Variants in ZNF202 observed in about 807,000 individuals in gnomAD.
ZNF202 encodes the protein zinc finger protein with KRAB and SCAN domains 10.
In ZNF202, 22 loss-of-function variants were observed where a neutral mutation model predicts 54.5. The observed-to-expected ratio is 0.40, with a 90% CI of 0.29 to 0.58. ZNF202 has a LOEUF of 0.58. Ranked by LOEUF, ZNF202 falls within the 20% of genes least tolerant of loss-of-function variation. ZNF202 has a pLI of 0.39. For synonymous variants in ZNF202, 294 were observed against 301.4 expected, an observed-to-expected ratio of 0.98 and a Z score of 0.26; for missense variants, 644 against 805.5, an observed-to-expected ratio of 0.80 and a Z score of 2.43.
chr11:123,735,277 G>A (rs1861584755), intron 3 of ZNF202, among the ~76,000 whole-genome samples: 1 of 152,124 alleles, frequency 6.6e-6, no homozygotes, highest in Non-Finnish European at 1.5e-5. Context: ...CGCAGCACTA[G>A]GTACAAGAGA....
rs558876117 is a variant in ZNF202, at chr11:123,741,205, C to G, written c.-294+344G>C. Among the ~76,000 whole-genome samples the G allele has an allele frequency of 6.6e-5, 10 of 152,154 alleles. No individual in the cohort carries two copies. In the South Asian group the frequency reaches 1.9e-3, roughly 28 times the overall value. On this transcript the variant is annotated intron_variant, in intron 1 of 8. Transcript: ENST00000530393. Reference sequence around the variant, plus strand: ...CACTCCTCCCTCGGTTCCGGGGGGACAGTTGGCGCGGAAGCGTTAGGAGGT... The same window carrying G: ...CACTCCTCCCTCGGTTCCGGGGGGAGAGTTGGCGCGGAAGCGTTAGGAGGT...
At chr11:123,736,065 A>C (rs1861624264) in intron 3 of ZNF202, among the ~76,000 whole-genome samples, 1 of 152,176 alleles carries the variant, frequency 6.6e-6, no homozygotes, top group Non-Finnish European at 1.5e-5. Context: ...GATGCATAGG[A>C]TTGGAGAGGA....
At chr11:123,737,922 T>C (rs1279611234) in intron 3 of ZNF202, among the ~76,000 whole-genome samples, 1 of 152,184 alleles carries the variant, frequency 6.6e-6, no homozygotes, top group Non-Finnish European at 1.5e-5. Flanking sequence ...GGAACAAGGA[T>C]ATACAGCATC....
In ZNF202 at chr11:123,724,185, C is replaced by T. The variant is rs961401822; in HGVS notation, c.*1812G>A. 4 of 152,130 alleles carry T rather than the reference C, an allele frequency of 2.6e-5. No individual in the cohort carries two copies. Among genetic ancestry groups the T allele is most frequent in the African/African-American group, 2.4e-5 (1 of 41,416 alleles). The allele number at this position is 152,130 out of a possible 1,614,324, so 9.4% of individuals were successfully genotyped here. A position where few individuals can be genotyped will look rare whatever the true frequency, so the allele number is the denominator to read the frequency against. ...CTTATCTCAGAGTGCATATGTTTCA[C>T]CGGACTCTGCTAATCATCCCAACCC... On this transcript the variant is annotated 3_prime_UTR_variant, in exon 9 of 9. Transcript: ENST00000530393.
At chr11:123,735,650 C>T (rs1021268238) in intron 3 of ZNF202, among the ~76,000 whole-genome samples, 2 of 152,130 alleles carry the variant, frequency 1.3e-5, no homozygotes, top group African/African-American at 2.4e-5. Flanking sequence ...CTGAGGGTTT[C>T]GTGAAGTAAC....
rs1190072902 is a variant in ZNF202 at position 123,726,923 on chromosome 11, G to A, written c.1021C>T (p.Pro341Ser). The change falls in exon 9 of 9, where the codon CCT becomes TCT. Residue 341 changes from proline to serine, a missense_variant. Pro to Ser is a moderately conservative substitution (Grantham distance 74). Transcript: ENST00000530393. The surrounding 1 kb of genome is among the most constrained non-coding windows in gnomAD (Gnocchi z 6.0). ...EDLSLEDIHR[P>S]VLGEPEIHQT... is the part of the protein sequence containing the mutation. The stretch of plus-strand genomic sequence containing the variant: ...TGAATTTCTGGTTCTCCCAAAACAG[G>A]CCTGTGTATATCCTCCAAACTCAGA... The A allele has an allele frequency of 1.9e-6, 3 of 1,613,844 alleles. No individual in the cohort carries two copies. Among genetic ancestry groups the A allele is most frequent in the Non-Finnish European group, 2.5e-6 (3 of 1,180,012 alleles).
At chr11:123,728,104 A>G (rs767613216) in intron 7 of ZNF202, 29 bp downstream of exon 7, 8 of 1,595,394 alleles carry the variant, frequency 5.0e-6, no homozygotes, top group Non-Finnish European at 6.8e-6. Context: ...CTGGGCTTAG[A>G]ACACTCTAGA....
At position 123,730,997 on chromosome 11, in the gene ZNF202, A is replaced by C; in HGVS notation, c.-97-12T>G. On this transcript the variant is annotated splice_polypyrimidine_tract_variant and intron_variant, in intron 3 of 8. Transcript: ENST00000530393. This position sits in a 1 kb window ranked among gnomAD's most constrained non-coding sequence, Gnocchi z 6.0. ...TTCTTCCAAGGGCCCTGGATAGAGA[A>C]GTAAAGACAAACAAGAGTATAAGCA... 7.6e-7 allele frequency: 1 copy of C among 1,319,576 alleles called. No individual in the cohort carries two copies. The highest frequency in any genetic ancestry group is 1.0e-6 in the Non-Finnish European group (1 of 967,364). 81.7% of individuals were successfully genotyped at this position (1,319,576 alleles called of 1,614,324 possible).
intron 3 of ZNF202, among the ~76,000 whole-genome samples, chr11:123,735,305 T>G (rs1371354702): frequency 6.6e-6 from 1 of 152,228 alleles, no homozygotes; most frequent in Non-Finnish European, 1.5e-5. Context: ...GTATGGATCC[T>G]ACAACGTATG....
chr11:123,740,866 G>T (rs1861832053), intron 1 of ZNF202, among the ~76,000 whole-genome samples: 3 of 152,240 alleles, frequency 2.0e-5, no homozygotes, highest in African/African-American at 4.8e-5. Context: ...GCTGAGAAGA[G>T]GTGCCAAAAC....
intron 5 of ZNF202, among the ~76,000 whole-genome samples, 176 bp from the exon 6 acceptor site, chr11:123,729,390 A>C (rs905390733): frequency 6.6e-6 from 1 of 152,166 alleles, no homozygotes; most frequent in African/African-American, 2.4e-5. Flanking sequence ...CTATGAGACT[A>C]TCAGAATGCC....
intron 3 of ZNF202, chr11:123,738,836 G>A (rs1213599015): frequency 6.6e-6 from 1 of 152,196 alleles, no homozygotes; most frequent in African/African-American, 2.4e-5. Flanking sequence ...TTTAGCATTT[G>A]AGGAGATGAT....
chr11:123,727,150 C>T (rs774928509), intron 8 of ZNF202, among the ~76,000 whole-genome samples, 159 bp from the exon 9 acceptor site: 17 of 152,176 alleles, frequency 1.1e-4, no homozygotes, highest in Non-Finnish European at 2.4e-4. Flanking sequence ...ATCAACAAAC[C>T]TTGGTATGCA....
chr11:123,731,113 C>T (rs1861388117), intron 3 of ZNF202, 128 bp from the exon 4 acceptor site: 3 of 480,520 alleles, frequency 6.2e-6, no homozygotes, highest in African/African-American at 1.9e-5. Flanking sequence ...TCCCCAACCA[C>T]CATAGCCATA....
chr11:123,729,171 G>A lies in ZNF202; in HGVS notation c.657C>T (p.Ser219=). The stretch of plus-strand genomic sequence containing the variant: ...GAGCAACCATCTCTGAGTCTCCAGA[G>A]CTCCTCTCTGCAGGAAGGTCTGGGT... The part of the protein sequence containing the change: ...PEDPDLPAER[S]SGDSEMVALL... Residue 219 remains serine (S), a synonymous_variant, in exon 6 of 9, where the codon AGC becomes AGT. Coordinates refer to ENST00000530393, the MANE Select transcript of ZNF202 (RefSeq NM_003455.4). The A allele has an allele frequency of 6.2e-7, 1 of 1,613,942 alleles. No individual in the cohort carries two copies. Among genetic ancestry groups the A allele is most frequent in the Non-Finnish European group, 8.5e-7 (1 of 1,180,022 alleles).
In ZNF202 at chr11:123,725,837, C is replaced by G. The variant is rs773713133; in HGVS notation, c.*160G>C. On this transcript the variant is annotated 3_prime_UTR_variant, in exon 9 of 9. Transcript: ENST00000530393. ...CGTAGAGGAAGGCTGAGAGGTTCTGCCCAGGCTCGTGTTTAGTTGCAGGAA... is the reference window on the plus strand; with the variant it reads ...CGTAGAGGAAGGCTGAGAGGTTCTGGCCAGGCTCGTGTTTAGTTGCAGGAA... The G allele has an allele frequency of 1.1e-4, 93 of 830,342 alleles. No homozygotes were observed. Among genetic ancestry groups the G allele is most frequent in the Admixed American group, 2.1e-4 (7 of 33,798 alleles). 51.4% of individuals were successfully genotyped at this position (830,342 alleles called of 1,614,324 possible). A position where few individuals can be genotyped will look rare whatever the true frequency, so the allele number is the denominator to read the frequency against.
chr11:123,727,030 C>T (rs771397962), intron 8 of ZNF202, 39 bp from the exon 9 acceptor site: 30 of 1,570,176 alleles, frequency 1.9e-5, no homozygotes, highest in African/African-American at 2.7e-5. Context: ...GTCACTGTAG[C>T]GGCAACAATG....
rs891414845 is a variant in ZNF202, at chr11:123,725,286, GA to G, written c.*710del. The G allele has an allele frequency of 1.3e-5, 2 of 152,180 alleles. No individual in the cohort carries two copies. Among genetic ancestry groups the G allele is most frequent in the African/African-American group, 4.8e-5 (2 of 41,446 alleles). 9.4% of individuals were successfully genotyped at this position (152,180 alleles called of 1,614,324 possible). ...TAAAAACAAAACCAAAACTCGTATG[GA>G]AAGAGGCTTCTGACTAGGCCCTCCT... On this transcript the variant is annotated 3_prime_UTR_variant, in exon 9 of 9. Coordinates refer to ENST00000530393, the MANE Select transcript of ZNF202 (RefSeq NM_003455.4).
rs972708061 is a variant in ZNF202 at position 123,723,967 on chromosome 11, A to G, written c.*2030T>C. Among the ~76,000 whole-genome samples, 11 of 152,262 alleles carry G rather than the reference A, an allele frequency of 7.2e-5. No individual in the cohort carries two copies. The highest frequency in any genetic ancestry group is 2.4e-4 in the African/African-American group (10 of 41,474). On this transcript the variant is annotated 3_prime_UTR_variant, in exon 9 of 9. Coordinates refer to ENST00000530393, the MANE Select transcript of ZNF202 (RefSeq NM_003455.4). ...TTCATTTATTGGAATAATGCAAATA[A>G]GAAAATTAAAAAGTCAATTTGTTGT...
Sources: gnomAD v4.1 joint callset for allele counts (sites outside exome capture counted in the v4.1 genomes callset) on GRCh38, gnomAD v4.1.1 for gene constraint, Gnocchi (gnomAD v3.1) non-coding constraint, MANE v1.5 for transcripts, NCBI Gene and HGNC (gene_info 2026-07-23, HGNC 2026-07-21) for gene names.